The following SPAG16 variants were observed in gnomAD, a reference collection of about 807,000 sequenced individuals.
SPAG16 encodes the protein sperm associated antigen 16, also known as sperm-associated antigen 16 protein.
In SPAG16, 86 loss-of-function variants were observed where a neutral mutation model predicts 80.4. That is an observed-to-expected ratio of 1.07 (90% CI 0.90 to 1.28). SPAG16 has a LOEUF of 1.28. Among genes scored for constraint, SPAG16 ranks in the 50% most tolerant of loss-of-function variants. The pLI, the probability that SPAG16 is intolerant of heterozygous loss-of-function variation, is 0.00. For missense variants in SPAG16, 870 were observed against 765.3 expected, an observed-to-expected ratio of 1.14 and a Z score of -1.61; for synonymous variants, 294 against 265.9, an observed-to-expected ratio of 1.11 and a Z score of -1.03.
chr2:213,749,072 G>A (rs1321108791), intron 10 of SPAG16, among the ~76,000 whole-genome samples: 1 of 152,060 alleles, frequency 6.6e-6, no homozygotes, highest in Non-Finnish European at 1.5e-5. Context: ...GCTTGAACCC[G>A]GGAGGCGGAG....
chr2:214,372,655 A>G (rs1271234690), intron 15 of SPAG16, among the ~76,000 whole-genome samples: 1 of 152,246 alleles, frequency 6.6e-6, no homozygotes, highest in African/African-American at 2.4e-5. Flanking sequence ...TCAGAGACTT[A>G]GTCCCAAGAA....
chr2:213,911,871 TATGTATG>T (rs1425849542), intron 11 of SPAG16, among the ~76,000 whole-genome samples: 3 of 147,490 alleles, frequency 2.0e-5, no homozygotes, highest in Admixed American at 6.7e-5. Context: ...CGCACACATA[TATGTATG>T]ATAAGAAGTT....
intron 11 of SPAG16, among the ~76,000 whole-genome samples, chr2:213,916,355 A>T (rs183410917): frequency 6.6e-6 from 1 of 152,264 alleles, no homozygotes; most frequent in East Asian, 1.9e-4. Context: ...TCCCAACATC[A>T]TTTATTAAAT....
intron 10 of SPAG16, among the ~76,000 whole-genome samples, chr2:213,630,204 T>A (rs2062096411): frequency 6.6e-6 from 1 of 152,066 alleles, no homozygotes; most frequent in South Asian, 2.1e-4. Flanking sequence ...GCGAACATGG[T>A]GAAACCTCAC....
intron 10 of SPAG16, among the ~76,000 whole-genome samples, chr2:213,736,362 C>T (rs866139415): frequency 6.6e-6 from 1 of 151,698 alleles, no homozygotes; most frequent in Non-Finnish European, 1.5e-5. Flanking sequence ...GGTGTGATCT[C>T]GGCTCACTGT....
chr2:214,024,608 A>G (rs2048041407), intron 13 of SPAG16, among the ~76,000 whole-genome samples: 1 of 151,614 alleles, frequency 6.6e-6, no homozygotes, highest in African/African-American at 2.4e-5. Context: ...ATATTTGTTT[A>G]TTCCTTCTTT....
chr2:214,135,847 A>G (rs1346706691), intron 14 of SPAG16, among the ~76,000 whole-genome samples: 4 of 152,098 alleles, frequency 2.6e-5, no homozygotes, highest in African/African-American at 9.7e-5. Context: ...CACCAGAAGC[A>G]GATACTGGCG....
intron 14 of SPAG16, among the ~76,000 whole-genome samples, chr2:214,136,235 G>A (rs2055044757): frequency 6.6e-6 from 1 of 152,018 alleles, no homozygotes; most frequent in South Asian, 2.1e-4. Flanking sequence ...TCTAACACTG[G>A]GGATCATATT....
intron 10 of SPAG16, among the ~76,000 whole-genome samples, chr2:213,521,023 G>T (rs1332645065): frequency 2.0e-5 from 3 of 152,112 alleles, no homozygotes; most frequent in Non-Finnish European, 2.9e-5. Context: ...GCTTTGATTG[G>T]CAGGTTACCG....
chr2:213,439,020 A>G (rs2070791140), intron 9 of SPAG16, among the ~76,000 whole-genome samples: 1 of 152,176 alleles, frequency 6.6e-6, no homozygotes, highest in Non-Finnish European at 1.5e-5. Context: ...CTGCAAGAAA[A>G]TTAATTTGGC....
chr2:214,029,284 T>A (rs531911429), intron 13 of SPAG16, among the ~76,000 whole-genome samples: 6 of 151,878 alleles, frequency 4.0e-5, no homozygotes, highest in Admixed American at 3.9e-4. Context: ...CAGGAGTGGA[T>A]GAGTGAGGAA....
intron 12 of SPAG16, among the ~76,000 whole-genome samples, chr2:213,984,205 A>T (rs2045898381): frequency 6.6e-6 from 1 of 152,150 alleles, no homozygotes; most frequent in South Asian, 2.1e-4. Flanking sequence ...ATTGCTGATT[A>T]GAGAACTTAT....
intron 10 of SPAG16, among the ~76,000 whole-genome samples, chr2:213,692,306 G>C (rs767184781): frequency 6.6e-6 from 1 of 152,048 alleles, no homozygotes; most frequent in African/African-American, 2.4e-5. Flanking sequence ...AGTGATTACA[G>C]GGTTAACATA....
chr2:214,187,205 T>TCC (rs948212213), intron 15 of SPAG16, among the ~76,000 whole-genome samples: 13 of 150,894 alleles, frequency 8.6e-5, no homozygotes, highest in East Asian at 8.1e-4. Context: ...CCAATATATA[T>TCC]CCCCACACAC....
At chr2:213,458,189 T>TG (rs2072149215) in intron 9 of SPAG16, among the ~76,000 whole-genome samples, 1 of 152,152 alleles carries the variant, frequency 6.6e-6, no homozygotes, top group Non-Finnish European at 1.5e-5. Context: ...TACTCACATA[T>TG]TTACCTATGC....
chr2:213,505,839 G>A (rs1340707782), intron 10 of SPAG16, among the ~76,000 whole-genome samples: 1 of 151,908 alleles, frequency 6.6e-6, no homozygotes, highest in African/African-American at 2.4e-5. Flanking sequence ...TCTGAAACTT[G>A]CTTTATGCAG....
At chr2:213,866,212 A>AAGGG in intron 11 of SPAG16, among the ~76,000 whole-genome samples, 1 of 151,994 alleles carries the variant, frequency 6.6e-6, no homozygotes, top group African/African-American at 2.4e-5. Context: ...GAAAAAATAA[A>AAGGG]AGGGAAATTC....
chr2:213,914,222 T>C (rs2077840384), intron 11 of SPAG16, among the ~76,000 whole-genome samples: 2 of 152,150 alleles, frequency 1.3e-5, no homozygotes, highest in Non-Finnish European at 2.9e-5. Flanking sequence ...AGATATTTAT[T>C]AATTTAAATA....
chr2:213,338,033 C>T (rs1200681942), intron 5 of SPAG16, among the ~76,000 whole-genome samples: 8 of 152,142 alleles, frequency 5.3e-5, no homozygotes, highest in Admixed American at 5.2e-4. Context: ...CTGCAGAAAC[C>T]CTACAAGCCA....
Sources: allele counts gnomAD v4.1 joint callset (sites outside exome capture counted in the v4.1 genomes callset), GRCh38; gene constraint gnomAD v4.1.1; transcripts MANE v1.5; gene names NCBI Gene and HGNC (gene_info 2026-07-23, HGNC 2026-07-21).